ZC4H2: variants seen among roughly 807,000 people sequenced by gnomAD.
The protein encoded by ZC4H2 is zinc finger C4H2-type containing.
For synonymous variants in ZC4H2, 84 were observed against 66.3 expected (o/e 1.27, Z -1.30); for missense variants, 137 against 173.9 (o/e 0.79, Z 1.19).
chrX:64,984,082 C>T (rs1932134248), intron 1 of ZC4H2, among the ~76,000 whole-genome samples: 1 of 111,456 alleles, frequency 9.0e-6, no homozygotes, highest in South Asian at 3.8e-4. Context: ...CAACCTGCAC[C>T]TCCCTCCCAT....
chrX:64,965,499 A>C (rs894282650), intron 1 of ZC4H2: 7 of 312,099 alleles, frequency 2.2e-5, no homozygotes, highest in Non-Finnish European at 3.7e-5. Flanking sequence ...ATAGACCTAA[A>C]CGTGAAACCT....
intron 1 of ZC4H2, among the ~76,000 whole-genome samples, chrX:64,959,652 C>T (rs781578397): frequency 1.6e-4 from 17 of 108,840 alleles, no homozygotes; most frequent in Non-Finnish European, 5.7e-5. Flanking sequence ...TTTTAAATGA[C>T]AACCTAAATA....
intron 1 of ZC4H2, among the ~76,000 whole-genome samples, chrX:64,942,880 A>T (rs1294842807): frequency 9.0e-6 from 1 of 111,674 alleles, no homozygotes; most frequent in Non-Finnish European, 1.9e-5. Context: ...GGTATTTCTA[A>T]TTAGATCCTT....
intron 1 of ZC4H2, among the ~76,000 whole-genome samples, chrX:64,935,129 C>A (rs909860228): frequency 9.0e-6 from 1 of 111,288 alleles, no homozygotes; most frequent in African/African-American, 3.3e-5. Flanking sequence ...CTGGGACACT[C>A]GAGTTTGGTG....
chrX:64,989,576 T>A (rs769480590), intron 1 of ZC4H2, among the ~76,000 whole-genome samples: 123 of 111,940 alleles, frequency 1.1e-3, no homozygotes, highest in African/African-American at 3.8e-3. Flanking sequence ...TTTTTCTATG[T>A]GAAAGAAGAT....
At chrX:64,998,064 CTG>C (rs1317059453) in intron 1 of ZC4H2, among the ~76,000 whole-genome samples, 1 of 111,626 alleles carries the variant, frequency 9.0e-6, no homozygotes, top group Non-Finnish European at 1.9e-5. Flanking sequence ...GCAATAGAAA[CTG>C]TGCATGCAAA....
At chrX:64,976,073 C>A (rs1372179498) in intron 1 of ZC4H2, among the ~76,000 whole-genome samples, 1 of 111,511 alleles carries the variant, frequency 9.0e-6, no homozygotes, top group African/African-American at 3.3e-5. Flanking sequence ...ACCTCCACCT[C>A]GAGAAGAATA....
chrX:64,974,438 A>C (rs1283322596), intron 1 of ZC4H2, among the ~76,000 whole-genome samples: 4 of 111,841 alleles, frequency 3.6e-5, no homozygotes, highest in Non-Finnish European at 7.5e-5. Context: ...GCATCTGTTT[A>C]TTTTCTCTTC....
In ZC4H2 at chrX:64,919,172, G is replaced by C. The variant is rs1009987755; in HGVS notation, c.431C>G (p.Thr144Arg). 1 of 1,211,298 alleles carries C rather than the reference G, an allele frequency of 8.3e-7. No individual in the cohort carries two copies. Among genetic ancestry groups the C allele is most frequent in the African/African-American group, 1.7e-5 (1 of 57,773 alleles). Residue 144 changes from threonine (T) to arginine (R), a missense_variant, in exon 4 of 5, where the codon ACA becomes AGA. Physicochemically the swap from Thr to Arg is moderately conservative, Grantham distance 71. Coordinates refer to ENST00000374839, the MANE Select transcript of ZC4H2 (RefSeq NM_018684.4). Reference protein sequence around the residue: ...YFEKQKAEWQTEPQEPPIPES... With the variant: ...YFEKQKAEWQREPQEPPIPES... Reference sequence around the variant, plus strand: ...AGGGATGGGGGGCTCCTGAGGTTCTGTCTGCCATTCTGCTTTCTGCTTCTC... The same window carrying C: ...AGGGATGGGGGGCTCCTGAGGTTCTCTCTGCCATTCTGCTTTCTGCTTCTC...
At chrX:64,988,324 T>C (rs1423397212) in intron 1 of ZC4H2, among the ~76,000 whole-genome samples, 1 of 111,650 alleles carries the variant, frequency 9.0e-6, no homozygotes, top group African/African-American at 3.3e-5. Context: ...ACTTCCACAA[T>C]GGTTGAACTA....
chrX:65,031,388 T>C (rs978567078), intron 1 of ZC4H2, among the ~76,000 whole-genome samples: 12 of 111,916 alleles, frequency 1.1e-4, no homozygotes, highest in Non-Finnish European at 2.1e-4. Context: ...CCCACTCATC[T>C]GTTGACATCT....
At chrX:65,022,774 C>T (rs189519378) in intron 1 of ZC4H2, among the ~76,000 whole-genome samples, 2 of 111,939 alleles carry the variant, frequency 1.8e-5, no homozygotes, top group African/African-American at 6.5e-5. Flanking sequence ...GAACTACAAA[C>T]CACTGCTCAA....
chrX:64,959,572 C>T (rs1931294832), intron 1 of ZC4H2, among the ~76,000 whole-genome samples: 1 of 108,140 alleles, frequency 9.2e-6, no homozygotes, highest in East Asian at 2.9e-4. Context: ...CTTTTCTGGT[C>T]TGAGTTCTTC....
chrX:64,929,394 G>A (rs1048983816), intron 1 of ZC4H2, among the ~76,000 whole-genome samples: 1 of 111,620 alleles, frequency 9.0e-6, no homozygotes, highest in African/African-American at 3.3e-5. Flanking sequence ...ATTTATTTTT[G>A]TTTTAGTTGC....
chrX:65,000,391 C>G (rs929412768), intron 1 of ZC4H2, among the ~76,000 whole-genome samples: 1 of 111,839 alleles, frequency 8.9e-6, no homozygotes, highest in Non-Finnish European at 1.9e-5. Flanking sequence ...GCATCAACAT[C>G]AACAAAAAAA....
chrX:64,922,279 AAAAAG>A (rs1407708931), intron 1 of ZC4H2: 32 of 236,491 alleles, frequency 1.4e-4, no homozygotes, highest in East Asian at 2.9e-4. Flanking sequence ...AAAAGAAAAA[AAAAAG>A]AAAAAGAAAA....
intron 1 of ZC4H2, among the ~76,000 whole-genome samples, chrX:64,928,614 G>C (rs965564290): frequency 3.8e-5 from 4 of 105,163 alleles, no homozygotes; most frequent in Non-Finnish European, 7.7e-5. Context: ...TCCTATTCAT[G>C]TCCTTTGCCT....
chrX:64,984,938 AT>A (rs1160948555), intron 1 of ZC4H2, among the ~76,000 whole-genome samples: 1 of 112,238 alleles, frequency 8.9e-6, no homozygotes, highest in Non-Finnish European at 1.9e-5. Flanking sequence ...GAGTTTTCAT[AT>A]GTCAGATTTT....
chrX:64,919,461 T>A, intron 3 of ZC4H2: 1 of 328,186 alleles, frequency 3.0e-6, no homozygotes. Flanking sequence ...TTAAAGGGTA[T>A]TCAGTCCTAT....
Sources: gnomAD v4.1 joint callset for allele counts (sites outside exome capture counted in the v4.1 genomes callset) on GRCh38, gnomAD v4.1.1 for gene constraint, MANE v1.5 for transcripts, NCBI Gene and HGNC (gene_info 2026-07-23, HGNC 2026-07-21) for gene names.